The following SCN7A variants were observed in gnomAD, a reference collection of about 807,000 sequenced individuals.
The protein encoded by SCN7A is sodium channel protein type 7 subunit alpha.
Under a neutral mutation model 155.2 loss-of-function variants are expected in SCN7A, and 138 were observed. The observed-to-expected ratio is 0.89, with a 90% CI of 0.77 to 1.02. SCN7A has a LOEUF of 1.02. Among genes scored for constraint, SCN7A ranks in the 50% least tolerant of loss-of-function variants. The pLI, the probability that SCN7A is intolerant of heterozygous loss-of-function variation, is 0.00. For synonymous variants in SCN7A, 693 were observed against 649.0 expected, an observed-to-expected ratio of 1.07 and a Z score of -1.03; for missense variants, 2,058 against 1,986.6, an observed-to-expected ratio of 1.04 and a Z score of -0.68.
intron 23 of SCN7A, 119 bp downstream of exon 23, chr2:166,412,411 C>T: frequency 8.9e-7 from 1 of 1,124,820 alleles, no homozygotes; most frequent in Non-Finnish European, 1.1e-6. Flanking sequence ...AGATACATGT[C>T]AAATAAAAAT....
chr2:166,418,433 C>T (rs934714877), intron 20 of SCN7A, among the ~76,000 whole-genome samples: 3 of 150,912 alleles, frequency 2.0e-5, no homozygotes, highest in Admixed American at 6.6e-5. Context: ...TGCCTGGCCT[C>T]TCTTAATTTT....
Position 166,441,735 on chromosome 2 carries a change from C to T in SCN7A, c.1818G>A (p.Leu606=). 1 of 1,599,840 alleles carries T rather than the reference C, an allele frequency of 6.3e-7. No homozygotes were observed. The highest frequency in any genetic ancestry group is 8.5e-7 in the Non-Finnish European group (1 of 1,174,378). The change falls in exon 15 of 26, where the codon TTG becomes TTA. Residue 606 remains leucine (L), a synonymous_variant. Coordinates refer to ENST00000643258, the MANE Select transcript of SCN7A (RefSeq NM_002976.4). The stretch of plus-strand genomic sequence containing the variant: ...TCTGGAATGTTGGCCAATACTTTCC[C>T]AACTTGAAAATTCTTAACTAATAGA... ...RLFRMLRIFK[L]GKYWPTFQIL...
intron 9 of SCN7A, among the ~76,000 whole-genome samples, chr2:166,463,742 A>C (rs1702463206): frequency 6.6e-6 from 1 of 152,100 alleles, no homozygotes; most frequent in Non-Finnish European, 1.5e-5. Context: ...GCCCAGCAGG[A>C]GCTGGGCAAA....
At chr2:166,413,996 T>TATATATAA (rs1211180352) in intron 21 of SCN7A, among the ~76,000 whole-genome samples, 1 of 100,466 alleles carries the variant, frequency 1.0e-5, no homozygotes, top group African/African-American at 4.0e-5. Flanking sequence ...TATATATATA[T>TATATATAA]ATATATAAAT....
At chr2:166,486,539 G>A (rs535948178) in intron 2 of SCN7A, among the ~76,000 whole-genome samples, 1 of 152,284 alleles carries the variant, frequency 6.6e-6, no homozygotes, top group African/African-American at 2.4e-5. Context: ...TATAGATAAA[G>A]AAAATCTTGG....
chr2:166,458,600 T>C (rs1249190923), intron 10 of SCN7A, among the ~76,000 whole-genome samples: 2 of 152,160 alleles, frequency 1.3e-5, no homozygotes, highest in African/African-American at 4.8e-5. Flanking sequence ...AAAGGAGCTG[T>C]TCTATATAGG....
intron 3 of SCN7A, among the ~76,000 whole-genome samples, chr2:166,476,763 C>T (rs1024872696): frequency 1.3e-5 from 2 of 152,074 alleles, no homozygotes; most frequent in African/African-American, 4.8e-5. Flanking sequence ...ATCACTTTCT[C>T]TTTTCCTCCT....
intron 2 of SCN7A, among the ~76,000 whole-genome samples, chr2:166,486,323 T>C (rs988348575): frequency 7.2e-5 from 11 of 152,102 alleles, no homozygotes; most frequent in Admixed American, 5.9e-4. Flanking sequence ...TGAACCAGTG[T>C]CATATAAGGT....
intron 1 of SCN7A, among the ~76,000 whole-genome samples, chr2:166,488,467 A>T (rs1362763917): frequency 1.3e-5 from 2 of 152,250 alleles, no homozygotes; most frequent in East Asian, 3.9e-4. Context: ...AGTTGCCTAA[A>T]TCAATAATTT....
chr2:166,434,604 A>G (rs1225179028), intron 15 of SCN7A, among the ~76,000 whole-genome samples: 1 of 152,190 alleles, frequency 6.6e-6, no homozygotes, highest in Non-Finnish European at 1.5e-5. Context: ...AGGTTTACTT[A>G]TAGATAATCT....
At chr2:166,475,080 G>GTATATATATATACATATATATATATA in intron 3 of SCN7A, among the ~76,000 whole-genome samples, 1 of 85,900 alleles carries the variant, frequency 1.2e-5, no homozygotes, top group East Asian at 2.6e-4. Context: ...TTATATTTGT[G>GTATATATATATACATATATATATATA]TATATATATA....
At chr2:166,445,965 G>A (rs1045972437) in intron 12 of SCN7A, among the ~76,000 whole-genome samples, 1 of 152,036 alleles carries the variant, frequency 6.6e-6, no homozygotes, top group African/African-American at 2.4e-5. Context: ...ACATAAGCAT[G>A]GGCAAAGCCT....
At chr2:166,461,520 G>T (rs1702409062) in intron 10 of SCN7A, among the ~76,000 whole-genome samples, 1 of 152,162 alleles carries the variant, frequency 6.6e-6, no homozygotes, top group Non-Finnish European at 1.5e-5. Flanking sequence ...ACTGGAACAT[G>T]GTTGAATATT....
rs777214677 is a variant in SCN7A, at chr2:166,416,871, A to C, written c.3250T>G (p.Phe1084Val). ...CTTGTTGGGTCAATGCATTCATAGAATCTGCCAGCAAATAAGTCTACTCCC... is the reference window on the plus strand; with the variant it reads ...CTTGTTGGGTCAATGCATTCATAGACTCTGCCAGCAAATAAGTCTACTCCC... Reference protein sequence around the residue: ...IMGVDLFAGRFYECIDPTSGE... With the variant: ...IMGVDLFAGRVYECIDPTSGE... Residue 1084 changes from phenylalanine (F) to valine (V), a missense_variant, in exon 21 of 26, where the codon TTC becomes GTC. Coordinates refer to ENST00000643258, the MANE Select transcript of SCN7A (RefSeq NM_002976.4). 26 of 1,613,578 alleles carry C rather than the reference A, an allele frequency of 1.6e-5. No homozygotes were observed. The South Asian group carries it at 2.6e-4, about 16-fold the overall frequency.
rs1156730503 is a variant in SCN7A, at chr2:166,432,559, A to C, written c.2351T>G (p.Val784Gly). ...PKDTMDHVNE[V>G]YVKEDISDHT... ...GTCAGAAATATCTTCTTTAACATAT[A>C]CCTCATTTACATGGTCCATTGTGTC... is the stretch of plus-strand genomic sequence containing the variant. The change falls in exon 16 of 26, where the codon GTA (valine) becomes GGA (glycine). Residue 784 changes from valine (V) to glycine (G), a missense_variant. Transcript: ENST00000643258. 1 of 1,613,280 alleles carries C rather than the reference A, an allele frequency of 6.2e-7. No individual in the cohort carries two copies. The highest frequency in any genetic ancestry group is 1.7e-5 in the Admixed American group (1 of 59,940).
chr2:166,464,576 CAT>C (rs1347880851), intron 9 of SCN7A, among the ~76,000 whole-genome samples: 4 of 152,190 alleles, frequency 2.6e-5, no homozygotes, highest in African/African-American at 9.6e-5. Flanking sequence ...GTCATAAAAA[CAT>C]ATAAGAGATT....
chr2:166,441,476 A>G lies in SCN7A; in HGVS notation c.2077T>C (p.Leu693=). Residue 693 remains leucine, a synonymous_variant, in exon 15 of 26, where the codon TTG becomes CTG. Transcript: ENST00000643258. ...CCTGCAACCTCCATACAGTCCCACA[A>G]GGTCTCTACCCACTCTCCACAGAGA... ...RILCGEWVET[L]WDCMEVAGQS... The G allele has an allele frequency of 1.2e-6, 2 of 1,614,050 alleles. No individual in the cohort carries two copies. Among genetic ancestry groups the G allele is most frequent in the Non-Finnish European group, 1.7e-6 (2 of 1,179,952 alleles).
chr2:166,423,377 T>A lies in SCN7A; in HGVS notation c.2909A>T (p.Tyr970Phe), dbSNP rs771516725. Residue 970 changes from tyrosine to phenylalanine, a missense_variant, in exon 19 of 26, where the codon TAT becomes TTT. Transcript: ENST00000643258. ...QRKTIKILLE[Y>F]ADMIFTYIFI... is the part of the protein sequence containing the mutation. ...GATATAAGTAAAGATCATGTCAGCA[T>A]ATTCTAATAAAATTTTAATTGTCTT... 10 of 1,605,508 alleles carry A rather than the reference T, an allele frequency of 6.2e-6. No homozygotes were observed. The South Asian group carries it at 1.1e-4, about 18-fold the overall frequency.
chr2:166,416,770 T>C lies in SCN7A; in HGVS notation c.3351A>G (p.Leu1117=), dbSNP rs779551272. Residue 1117 remains leucine (L), a synonymous_variant, in exon 21 of 26, where the codon CTA becomes CTG. Transcript: ENST00000643258. ...CESLLFNESM[L]WENAKMNFDN... is the part of the protein sequence containing the mutation. ...CAAAGTTCATTTTTGCATTTTCCCA[T>C]AGCATGGATTCGTTAAACAGAAGGC... is the stretch of plus-strand genomic sequence containing the variant. The C allele has an allele frequency of 3.1e-6, 5 of 1,613,064 alleles. No homozygotes were observed. The highest frequency in any genetic ancestry group is 2.2e-5 in the East Asian group (1 of 44,762).
Sources: gnomAD v4.1 joint callset for allele counts (sites outside exome capture counted in the v4.1 genomes callset) on GRCh38, gnomAD v4.1.1 for gene constraint, MANE v1.5 for transcripts, NCBI Gene and HGNC (gene_info 2026-07-23, HGNC 2026-07-21) for gene names.